The following CELF4 variants were observed in gnomAD, a reference collection of about 807,000 sequenced individuals.
The protein encoded by CELF4 is CUGBP Elav-like family member 4, also known as CUG-BP- and ETR-3-like factor 4.
Under a neutral mutation model 59.9 loss-of-function variants are expected in CELF4, and 18 were observed. The ratio of observed to expected loss-of-function variants is 0.30; its 90% CI spans 0.21 to 0.45. CELF4 has a LOEUF of 0.45. CELF4 is among the 20% of genes least tolerant of loss of function. The probability of loss-of-function intolerance (pLI) is 1.00; values close to 1 mark genes in which losing one functional copy is unlikely to be tolerated. For synonymous variants in CELF4, 261 were observed against 267.1 expected, an observed-to-expected ratio of 0.98 and a Z score of 0.22; for missense variants, 456 against 689.0, an observed-to-expected ratio of 0.66 and a Z score of 3.79.
At chr18:37,484,147 C>G (rs950999275) in intron 2 of CELF4, among the ~76,000 whole-genome samples, 5 of 152,216 alleles carry the variant, frequency 3.3e-5, no homozygotes, top group Non-Finnish European at 7.3e-5. Flanking sequence ...GTGGTATTTT[C>G]TATTCCATTT....
chr18:37,449,643 A>C (rs2099757619), intron 2 of CELF4, among the ~76,000 whole-genome samples: 1 of 151,916 alleles, frequency 6.6e-6, no homozygotes, highest in South Asian at 2.1e-4. Flanking sequence ...CAGAAACAGT[A>C]AAGCAGAGTA....
intron 2 of CELF4, among the ~76,000 whole-genome samples, chr18:37,386,597 T>G (rs1048967414): frequency 6.6e-6 from 1 of 152,120 alleles, no homozygotes; most frequent in Non-Finnish European, 1.5e-5. Flanking sequence ...TTAGAAAAAG[T>G]CAAAATAGAA....
At chr18:37,469,506 G>A (rs2099816273) in intron 2 of CELF4, among the ~76,000 whole-genome samples, 3 of 152,112 alleles carry the variant, frequency 2.0e-5, no homozygotes, top group Admixed American at 2.0e-4. Context: ...ATTTCCTGTT[G>A]GCAGGATTCA....
At chr18:37,511,957 G>A (rs2099944855) in intron 1 of CELF4, among the ~76,000 whole-genome samples, 1 of 152,030 alleles carries the variant, frequency 6.6e-6, no homozygotes, top group Admixed American at 6.5e-5. Flanking sequence ...GGGGATAGAG[G>A]AGGGGGCAGC....
intron 2 of CELF4, among the ~76,000 whole-genome samples, chr18:37,359,854 T>G (rs1356225355): frequency 1.3e-5 from 2 of 149,120 alleles, no homozygotes; most frequent in Non-Finnish European, 3.0e-5. Flanking sequence ...GGCTTTCTTT[T>G]TTTTTTCTGG....
chr18:37,477,150 G>A (rs968117497), intron 2 of CELF4, among the ~76,000 whole-genome samples: 11 of 152,210 alleles, frequency 7.2e-5, no homozygotes, highest in Admixed American at 2.0e-4. Flanking sequence ...CTTGCTCTGG[G>A]TCAGTTCCAG....
intron 1 of CELF4, among the ~76,000 whole-genome samples, chr18:37,551,259 T>C (rs968653537): frequency 1.3e-5 from 2 of 151,984 alleles, no homozygotes; most frequent in African/African-American, 2.4e-5. Flanking sequence ...CTGTGGAAGG[T>C]CCATAAGAGA....
intron 1 of CELF4, among the ~76,000 whole-genome samples, chr18:37,505,035 C>T (rs2099936149): frequency 6.6e-6 from 1 of 152,040 alleles, no homozygotes; most frequent in African/African-American, 2.4e-5. Flanking sequence ...TGCAGGACAC[C>T]AAGGCTGAGA....
chr18:37,351,166 A>ATT (rs2098433221), intron 2 of CELF4, among the ~76,000 whole-genome samples: 1 of 152,164 alleles, frequency 6.6e-6, no homozygotes, highest in Non-Finnish European at 1.5e-5. Context: ...TTGTCTTGAC[A>ATT]GCCGGAGATC....
At chr18:37,529,791 C>A (rs1305082072) in intron 1 of CELF4, among the ~76,000 whole-genome samples, 2 of 152,206 alleles carry the variant, frequency 1.3e-5, no homozygotes, top group Non-Finnish European at 2.9e-5. Flanking sequence ...GGAGCTTGGA[C>A]TGGAATGTGA....
intron 2 of CELF4, among the ~76,000 whole-genome samples, chr18:37,347,093 G>T (rs2098284851): frequency 6.6e-6 from 1 of 152,108 alleles, no homozygotes; most frequent in African/African-American, 2.4e-5. Context: ...CTGATGGAGG[G>T]TGTTGGAGGA....
intron 7 of CELF4, 91 bp downstream of exon 7, chr18:37,272,925 A>T: frequency 7.6e-7 from 1 of 1,309,414 alleles, no homozygotes; most frequent in Non-Finnish European, 1.1e-6. Context: ...TTTGCCACAG[A>T]ATGGTCCGCT....
intron 2 of CELF4, among the ~76,000 whole-genome samples, chr18:37,448,279 G>T (rs2099753697): frequency 6.6e-6 from 1 of 152,228 alleles, no homozygotes; most frequent in Non-Finnish European, 1.5e-5. Flanking sequence ...CCAGGAATGA[G>T]TTCTCTGAGG....
intron 10 of CELF4, among the ~76,000 whole-genome samples, chr18:37,262,879 C>G (rs889925540): frequency 3.3e-5 from 5 of 152,170 alleles, no homozygotes; most frequent in African/African-American, 1.2e-4. Flanking sequence ...AGCCCAGTGT[C>G]CCTCAGCTGC....
At chr18:37,279,737 G>A (rs924070880) in intron 3 of CELF4, among the ~76,000 whole-genome samples, 13 of 152,216 alleles carry the variant, frequency 8.5e-5, no homozygotes, top group African/African-American at 3.1e-4. Flanking sequence ...AAGAACTGCT[G>A]TCCCTGCACC....
intron 3 of CELF4, among the ~76,000 whole-genome samples, chr18:37,308,337 C>G (rs2096522043): frequency 6.6e-6 from 1 of 152,216 alleles, no homozygotes; most frequent in Non-Finnish European, 1.5e-5. Flanking sequence ...TCCTTTTGCC[C>G]TGGGCAGGCT....
intron 2 of CELF4, among the ~76,000 whole-genome samples, chr18:37,331,413 G>A (rs111924069): frequency 2.0e-5 from 3 of 152,110 alleles, no homozygotes; most frequent in Non-Finnish European, 4.4e-5. Flanking sequence ...CTCACTTTCT[G>A]TCAAAAGTAG....
At chr18:37,329,589 C>T (rs1438523915) in intron 2 of CELF4, among the ~76,000 whole-genome samples, 4 of 152,216 alleles carry the variant, frequency 2.6e-5, no homozygotes, top group Non-Finnish European at 4.4e-5. Flanking sequence ...ACAGGGTGAA[C>T]GTGACCAACC....
intron 3 of CELF4, among the ~76,000 whole-genome samples, chr18:37,318,712 A>C (rs1222076319): frequency 1.3e-5 from 2 of 148,878 alleles, no homozygotes; most frequent in Non-Finnish European, 3.0e-5. Context: ...CACAGGAGAT[A>C]TATGGGAGAA....
Sources: allele counts gnomAD v4.1 joint callset (sites outside exome capture counted in the v4.1 genomes callset), GRCh38; gene constraint gnomAD v4.1.1; transcripts MANE v1.5; gene names NCBI Gene and HGNC (gene_info 2026-07-23, HGNC 2026-07-21).